The following NF1 variants were observed in gnomAD, a reference collection of about 807,000 sequenced individuals.
The protein encoded by NF1 is neurofibromin 1, also known as neurofibromin.
A neutral mutation model predicts 325.7 loss-of-function variants in NF1; 122 were observed. The observed-to-expected ratio is 0.37, with a 90% CI of 0.32 to 0.44. The LOEUF is 0.44. NF1 is among the 20% of genes least tolerant of loss of function. NF1 has a pLI of 1.00. For missense variants in NF1, 2,140 were observed against 3,415.4 expected, an observed-to-expected ratio of 0.63 and a Z score of 9.31; for synonymous variants, 1,091 against 1,186.0, an observed-to-expected ratio of 0.92 and a Z score of 1.65.
At chr17:31,283,056 C>G (rs1435774270) in intron 36 of NF1, among the ~76,000 whole-genome samples, 1 of 152,086 alleles carries the variant, frequency 6.6e-6, no homozygotes, top group African/African-American at 2.4e-5. Context: ...CTTTAACTTC[C>G]GGGTCTTAGA....
rs1419030713 is a variant in NF1, at chr17:31,330,292, C to G, written c.5610-4C>G. Reference sequence around the variant, plus strand: ...AAAACAACTTCATTTGTGTTTTCTCCTAGGTCAGCTGCCTATAATCTTCTG... The same window carrying G: ...AAAACAACTTCATTTGTGTTTTCTCGTAGGTCAGCTGCCTATAATCTTCTG... On this transcript the variant is annotated splice_region_variant and splice_polypyrimidine_tract_variant and intron_variant, in intron 38 of 57. Transcript: ENST00000358273. 3 of 1,613,606 alleles carry G rather than the reference C, an allele frequency of 1.9e-6. No homozygotes were observed. The African/African-American group carries it at 4.0e-5, about 22-fold the overall frequency.
intron 1 of NF1, among the ~76,000 whole-genome samples, chr17:31,120,531 T>C (rs763890131): frequency 1.2e-4 from 19 of 152,196 alleles, no homozygotes; most frequent in Non-Finnish European, 2.2e-4. Context: ...TTTCTAAATA[T>C]ACAGTCATGT....
At chr17:31,330,983 T>G (rs2069471619) in intron 39 of NF1, 1 of 153,240 alleles carries the variant, frequency 6.5e-6, no homozygotes, top group Admixed American at 6.5e-5. Context: ...TGACTTTGTT[T>G]TAACTAAGTC....
chr17:31,260,164 G>A (rs1388266480), intron 33 of NF1, among the ~76,000 whole-genome samples: 1 of 152,120 alleles, frequency 6.6e-6, no homozygotes, highest in Non-Finnish European at 1.5e-5. Context: ...AGCCTACTTT[G>A]AAGCTGAAGC....
chr17:31,248,573 CA>C, intron 29 of NF1, among the ~76,000 whole-genome samples: 1 of 152,040 alleles, frequency 6.6e-6, no homozygotes. Context: ...CTTGCCCTTT[CA>C]TCCAAGCTGG....
rs374687472 is a variant in NF1 at position 31,218,979 on chromosome 17, T to C, written c.1528-26T>C. Reference sequence around the variant, plus strand: ...TCTCTCGATTTATTTATTTTTTTAATTGAAGTTTCCTTTTTTTCCTTGCAG... The same window carrying C: ...TCTCTCGATTTATTTATTTTTTTAACTGAAGTTTCCTTTTTTTCCTTGCAG... On this transcript the variant is annotated intron_variant, in intron 13 of 57. Transcript: ENST00000358273. 2.5e-6 allele frequency: 4 copies of C among 1,573,108 alleles called. No individual in the cohort carries two copies. The African/African-American group carries it at 4.1e-5, about 16-fold the overall frequency.
intron 36 of NF1, among the ~76,000 whole-genome samples, chr17:31,324,636 G>A (rs1026087630): frequency 5.9e-5 from 9 of 151,766 alleles, no homozygotes; most frequent in Admixed American, 3.9e-4. Flanking sequence ...ATCTCAGCTC[G>A]CTGCAGCCTC....
rs201712827 is a variant in NF1 at position 31,336,659 on chromosome 17, A to G, written c.6172A>G (p.Ile2058Val). The G allele has an allele frequency of 1.9e-4, 306 of 1,613,330 alleles. No individual in the cohort carries two copies. Among genetic ancestry groups the G allele is most frequent in the Non-Finnish European group, 2.4e-4 (284 of 1,179,840 alleles). The stretch of plus-strand genomic sequence containing the variant: ...GGTTATTGGAAGGATGTGCAAAATA[A>G]TTGACAAGACATGCTTATCTCCAAC... ...SKVIGRMCKI[I>V]DKTCLSPTPT... Residue 2058 changes from isoleucine to valine, a missense_variant, in exon 42 of 58, where the codon ATT becomes GTT. Around this residue, in one of 10 missense-constraint regions of NF1, gnomAD observed 180 missense variants for 435.1 expected, o/e 0.41. Transcript: ENST00000358273. This position sits in a 1 kb window ranked among gnomAD's most constrained non-coding sequence, Gnocchi z 5.5.
chr17:31,304,923 C>T lies in NF1; in HGVS notation c.4836-20897C>T, dbSNP rs558600729. ...AATTTTGATCATTTAAAACTGGTTT[C>T]CTTAAGCATTTCCAAAGTACAATGA... On this transcript the variant is annotated intron_variant, in intron 36 of 57. Coordinates refer to ENST00000358273, the MANE Select transcript of NF1 (RefSeq NM_001042492.3). 14 of 1,614,096 alleles carry T rather than the reference C, an allele frequency of 8.7e-6. No homozygotes were observed. In the African/African-American group the frequency reaches 1.3e-4, roughly 15 times the overall value.
Position 31,327,718 on chromosome 17 carries a change from C to T in NF1, c.5488C>T (p.Arg1830Cys), listed in dbSNP as rs797045139. 2.5e-6 allele frequency: 4 copies of T among 1,614,004 alleles called. No homozygotes were observed. The highest frequency in any genetic ancestry group is 1.3e-5 in the African/African-American group (1 of 74,908). Residue 1830 changes from arginine (R) to cysteine (C), a missense_variant, in exon 38 of 58, where the codon CGC becomes TGC. By Grantham distance (180) the Arg-to-Cys change is radical. Coordinates refer to ENST00000358273, the MANE Select transcript of NF1 (RefSeq NM_001042492.3). ...IVQSIIHIRTRWELSQPDSIP... is the reference protein window; with the variant it reads ...IVQSIIHIRTCWELSQPDSIP... ...CCAGTCTATCATTCATATCCGGACC[C>T]GCTGGGAACTGTCACAGCCCGACTC...
At chr17:31,223,874 T>C (rs2066968889) in intron 16 of NF1, among the ~76,000 whole-genome samples, 1 of 152,174 alleles carries the variant, frequency 6.6e-6, no homozygotes, top group African/African-American at 2.4e-5. Context: ...GAGGAGCATA[T>C]TGTATCTTTA....
chr17:31,335,290 A>G (rs866004381), intron 40 of NF1, among the ~76,000 whole-genome samples: 19 of 71,646 alleles, frequency 2.7e-4, no homozygotes, highest in Non-Finnish European at 4.9e-4. Context: ...ATATATATAT[A>G]TATATAATTA....
intron 12 of NF1, among the ~76,000 whole-genome samples, chr17:31,206,849 T>A (rs2066633528): frequency 6.6e-6 from 1 of 152,154 alleles, no homozygotes; most frequent in Non-Finnish European, 1.5e-5. Context: ...TATTTTGTAT[T>A]TCAACAAATA....
chr17:31,305,602 G>T, intron 36 of NF1: 2 of 1,611,606 alleles, frequency 1.2e-6, no homozygotes, highest in Non-Finnish European at 1.7e-6. Context: ...GAAATATTTG[G>T]GATCCATTTC....
At chr17:31,362,018 T>A (rs879280864) in intron 57 of NF1, among the ~76,000 whole-genome samples, 1 of 152,220 alleles carries the variant, frequency 6.6e-6, no homozygotes, top group Admixed American at 6.5e-5. Context: ...AACTCTCTAG[T>A]ACAGTGTTTC....
At chr17:31,281,116 C>G (rs758073792) in intron 36 of NF1, among the ~76,000 whole-genome samples, 1 of 152,162 alleles carries the variant, frequency 6.6e-6, no homozygotes, top group Non-Finnish European at 1.5e-5. Context: ...ATCTGTTATA[C>G]AGCTCACCTT....
At chr17:31,224,224 A>G (rs1296045051) in intron 16 of NF1, among the ~76,000 whole-genome samples, 2 of 152,170 alleles carry the variant, frequency 1.3e-5, no homozygotes, top group Non-Finnish European at 2.9e-5. Context: ...CTATTGAAAC[A>G]TGGTGAGGTT....
At chr17:31,098,126 ATAAAT>A (rs1911936142) in intron 1 of NF1, among the ~76,000 whole-genome samples, 1 of 148,270 alleles carries the variant, frequency 6.7e-6, no homozygotes, top group African/African-American at 2.4e-5. Context: ...TATATATAAA[ATAAAT>A]TAATATATTA....
At chr17:31,218,558 CTTTT>C (rs958403603) in intron 13 of NF1, among the ~76,000 whole-genome samples, 1 of 149,834 alleles carries the variant, frequency 6.7e-6, no homozygotes, top group Non-Finnish European at 1.5e-5. Flanking sequence ...TTCTTTCTTT[CTTTT>C]TTTTCTTTTT....
Sources: allele counts gnomAD v4.1 joint callset (sites outside exome capture counted in the v4.1 genomes callset), GRCh38; gene constraint gnomAD v4.1.1; regional missense constraint gnomAD v4.1.1; non-coding constraint Gnocchi (gnomAD v3.1); transcripts MANE v1.5; gene names NCBI Gene and HGNC (gene_info 2026-07-23, HGNC 2026-07-21).